FHIT: variants seen among roughly 807,000 people sequenced by gnomAD.
FHIT encodes bis(5'-adenosyl)-triphosphatase.
FHIT carries 19 observed loss-of-function variants against 17.9 expected under a neutral mutation model. The observed-to-expected ratio is 1.06, with a 90% CI of 0.74 to 1.56. The LOEUF is 1.56. Ranked by LOEUF, FHIT falls within the 40% of genes most tolerant of loss-of-function variation. The pLI, the probability that FHIT is intolerant of heterozygous loss-of-function variation, is 0.00. For missense variants in FHIT, 248 were observed against 189.2 expected, an observed-to-expected ratio of 1.31 and a Z score of -1.82; for synonymous variants, 81 against 69.7, an observed-to-expected ratio of 1.16 and a Z score of -0.81.
intron 2 of FHIT, among the ~76,000 whole-genome samples, chr3:61,049,093 T>G (rs999580894): frequency 2.6e-5 from 4 of 151,906 alleles, no homozygotes; most frequent in African/African-American, 7.3e-5. Context: ...ACCTGCACAT[T>G]GGGCACATGT....
intron 4 of FHIT, among the ~76,000 whole-genome samples, chr3:60,794,773 T>C (rs1444754222): frequency 6.6e-6 from 1 of 152,252 alleles, no homozygotes; most frequent in African/African-American, 2.4e-5. Flanking sequence ...TATTCTGTGC[T>C]GTCTCTCTCA....
At chr3:60,129,759 G>A (rs1227857012) in intron 5 of FHIT, among the ~76,000 whole-genome samples, 1 of 152,052 alleles carries the variant, frequency 6.6e-6, no homozygotes, top group Non-Finnish European at 1.5e-5. Flanking sequence ...AACCCTCTCA[G>A]ATTAATGTAC....
chr3:61,046,397 G>T (rs952145152), intron 2 of FHIT, among the ~76,000 whole-genome samples: 4 of 152,118 alleles, frequency 2.6e-5, no homozygotes, highest in African/African-American at 9.7e-5. Flanking sequence ...TAGAAGAAAT[G>T]GATAAATTCC....
At chr3:60,571,336 A>AAT (rs1491112807) in intron 4 of FHIT, among the ~76,000 whole-genome samples, 587 of 22,044 alleles carry the variant, frequency 0.027, 46 homozygotes, top group African/African-American at 0.071. Flanking sequence ...ACTCCATCGC[A>AAT]AAAAAAAAAA....
At chr3:59,897,482 T>C (rs928477872) in intron 8 of FHIT, among the ~76,000 whole-genome samples, 1 of 152,204 alleles carries the variant, frequency 6.6e-6, no homozygotes, top group African/African-American at 2.4e-5. Flanking sequence ...TCCTTCCAAC[T>C]ACATCAAGAA....
chr3:60,763,056 G>C (rs560711581), intron 4 of FHIT, among the ~76,000 whole-genome samples: 1 of 152,198 alleles, frequency 6.6e-6, no homozygotes, highest in Admixed American at 6.5e-5. Context: ...TGACACATCT[G>C]AGATCACCAC....
rs775581148 is a variant in FHIT at position 60,782,233 on chromosome 3, G to GTATATATATATATATATATATA, written c.-18+39685_-18+39686insTATATATATATATATATATATA. ...AGAATATTTCATTGTGTGTGTGTGTGTGTGTATATATATATATATATCACA... is the reference window on the plus strand; with the variant it reads ...AGAATATTTCATTGTGTGTGTGTGTGTATATATATATATATATATATATGTGTATATATATATATATATCACA... On this transcript the variant is annotated intron_variant, in intron 4 of 9. Coordinates refer to ENST00000492590, the MANE Select transcript of FHIT (RefSeq NM_002012.4). Among the ~76,000 whole-genome samples the GTATATATATATATATATATATA allele has an allele frequency of 6.0e-3, 790 of 132,384 alleles. 5 individuals carry two copies. The highest frequency in any genetic ancestry group is 0.014 in the African/African-American group (428 of 31,634). 86.8% of individuals were successfully genotyped at this position (132,384 alleles called of 152,430 possible).
chr3:60,921,569 A>C (rs1176783611), intron 3 of FHIT, among the ~76,000 whole-genome samples: 1 of 152,234 alleles, frequency 6.6e-6, no homozygotes, highest in Non-Finnish European at 1.5e-5. Flanking sequence ...TTTTTAAATA[A>C]CATTATAACT....
intron 5 of FHIT, among the ~76,000 whole-genome samples, chr3:60,247,887 T>C (rs574599740): frequency 6.6e-6 from 1 of 152,282 alleles, no homozygotes; most frequent in African/African-American, 2.4e-5. Context: ...TTAAGAAATG[T>C]TAACTCTTTT....
rs150647540 is a variant in FHIT at position 60,579,259 on chromosome 3, T to C, written c.-17-42280A>G. Among the ~76,000 whole-genome samples the C allele has an allele frequency of 2.2e-3, 336 of 152,284 alleles. 1 individual carries two copies. Among genetic ancestry groups the C allele is most frequent in the African/African-American group, 7.3e-3 (305 of 41,572 alleles). ...GCTATATGCTATATGCTGTAACCTA[T>C]TGCTTTTAGGCAACAATTCTTTACT... On this transcript the variant is annotated intron_variant, in intron 4 of 9. Coordinates refer to ENST00000492590, the MANE Select transcript of FHIT (RefSeq NM_002012.4).
chr3:60,711,188 C>T (rs889069019), intron 4 of FHIT, among the ~76,000 whole-genome samples: 1 of 152,182 alleles, frequency 6.6e-6, no homozygotes, highest in Admixed American at 6.5e-5. Flanking sequence ...CCTCTAGCAA[C>T]TCCAACAGAC....
intron 2 of FHIT, among the ~76,000 whole-genome samples, chr3:61,178,547 A>C (rs892771172): frequency 3.3e-5 from 1 of 30,736 alleles, no homozygotes; most frequent in East Asian, 8.9e-4. Flanking sequence ...TGAAGAAAAA[A>C]ACGTTGTAAT....
At chr3:60,937,150 T>C (rs1388554924) in intron 3 of FHIT, among the ~76,000 whole-genome samples, 3 of 152,182 alleles carry the variant, frequency 2.0e-5, no homozygotes, top group South Asian at 2.1e-4. Context: ...ATGAAGATTT[T>C]CTCTCATCTG....
At chr3:60,956,651 T>TAAGGA (rs1321563782) in intron 3 of FHIT, among the ~76,000 whole-genome samples, 1 of 152,098 alleles carries the variant, frequency 6.6e-6, no homozygotes, top group Non-Finnish European at 1.5e-5. Flanking sequence ...CAGCTGTACA[T>TAAGGA]AAGGAGTTAC....
At chr3:59,891,226 A>G (rs1703840504) in intron 8 of FHIT, among the ~76,000 whole-genome samples, 1 of 152,188 alleles carries the variant, frequency 6.6e-6, no homozygotes, top group African/African-American at 2.4e-5. Context: ...CGGGCAAAAT[A>G]TCAGGAACCA....
chr3:60,942,141 C>T (rs1708438969), intron 3 of FHIT, among the ~76,000 whole-genome samples: 2 of 152,160 alleles, frequency 1.3e-5, no homozygotes, highest in South Asian at 4.1e-4. Flanking sequence ...CACAGCCATG[C>T]CTGGCTAATT....
intron 8 of FHIT, among the ~76,000 whole-genome samples, chr3:59,772,873 C>G (rs1333661321): frequency 6.6e-6 from 1 of 152,172 alleles, no homozygotes; most frequent in Non-Finnish European, 1.5e-5. Flanking sequence ...GCAGCAGCCT[C>G]ATGTAGGAAG....
chr3:60,998,610 C>T (rs2030840388), intron 3 of FHIT, among the ~76,000 whole-genome samples: 2 of 152,154 alleles, frequency 1.3e-5, no homozygotes, highest in Middle Eastern at 3.4e-3. Flanking sequence ...TTGTCACATA[C>T]ATTTTTTCCA....
intron 5 of FHIT, among the ~76,000 whole-genome samples, chr3:60,519,280 C>T (rs543190122): frequency 9.9e-5 from 15 of 152,232 alleles, no homozygotes; most frequent in African/African-American, 3.6e-4. Flanking sequence ...AACTAGACTG[C>T]AGCTTCATAG....
Sources: gnomAD v4.1 joint callset for allele counts (sites outside exome capture counted in the v4.1 genomes callset) on GRCh38, gnomAD v4.1.1 for gene constraint, MANE v1.5 for transcripts, NCBI Gene and HGNC (gene_info 2026-07-23, HGNC 2026-07-21) for gene names.